NEK1: variants seen among roughly 807,000 people sequenced by gnomAD.
NEK1 encodes NIMA related kinase 1, also known as serine/threonine-protein kinase Nek1.
NEK1 carries 137 observed loss-of-function variants against 182.1 expected under a neutral mutation model. That is an observed-to-expected ratio of 0.75 (90% CI 0.65 to 0.87). NEK1 has a LOEUF of 0.87. Ranked by LOEUF, NEK1 falls within the 40% of genes least tolerant of loss-of-function variation. The probability of loss-of-function intolerance (pLI) is 0.00; values close to 1 mark genes in which losing one functional copy is unlikely to be tolerated. For synonymous variants in NEK1, 513 were observed against 492.2 expected, an observed-to-expected ratio of 1.04 and a Z score of -0.56; for missense variants, 1,391 against 1,494.4, an observed-to-expected ratio of 0.93 and a Z score of 1.14.
Position 169,501,091 on chromosome 4 carries a change from A to G in NEK1, c.2007+5946T>C, listed in dbSNP as rs1219463191. On this transcript the variant is annotated intron_variant, in intron 23 of 35. Coordinates refer to ENST00000507142, the MANE Select transcript of NEK1 (RefSeq NM_001199397.3). The stretch of plus-strand genomic sequence containing the variant: ...ACACAAATTTAAAACAAAAAAGATC[A>G]GGGCTTGCTACTCTTGTATCAGATA... 2.6e-5 allele frequency among the ~76,000 whole-genome samples: 4 copies of G among 152,236 alleles called. No homozygotes were observed. In the East Asian group the frequency reaches 7.7e-4, roughly 29 times the overall value.
intron 23 of NEK1, among the ~76,000 whole-genome samples, chr4:169,492,983 A>G (rs1750401733): frequency 6.6e-6 from 1 of 152,202 alleles, no homozygotes; most frequent in Admixed American, 6.5e-5. Context: ...GATTGTGGAC[A>G]TGGCAGCAGT....
At chr4:169,398,548 T>A (rs566728695) in intron 35 of NEK1, among the ~76,000 whole-genome samples, 15 of 152,202 alleles carry the variant, frequency 9.9e-5, no homozygotes, top group Non-Finnish European at 1.8e-4. Context: ...TTTTCTGCTT[T>A]GTGAGAAAGA....
chr4:169,461,578 A>T (rs1211493731), intron 27 of NEK1, among the ~76,000 whole-genome samples: 1 of 152,180 alleles, frequency 6.6e-6, no homozygotes, highest in African/African-American at 2.4e-5. Flanking sequence ...ATTTTGCCAC[A>T]TGTGATTTCG....
At chr4:169,493,596 A>T (rs1283287323) in intron 23 of NEK1, among the ~76,000 whole-genome samples, 1 of 152,236 alleles carries the variant, frequency 6.6e-6, no homozygotes, top group African/African-American at 2.4e-5. Flanking sequence ...ACAAAGAACC[A>T]AACAGAACTT....
intron 27 of NEK1, among the ~76,000 whole-genome samples, chr4:169,462,485 T>C (rs188356422): frequency 4.5e-4 from 68 of 152,254 alleles, no homozygotes; most frequent in Non-Finnish European, 1.5e-4. Flanking sequence ...CAGTAACATG[T>C]GTATAGGTTC....
At chr4:169,426,714 T>C (rs952206516) in intron 29 of NEK1, among the ~76,000 whole-genome samples, 1 of 152,172 alleles carries the variant, frequency 6.6e-6, no homozygotes, top group East Asian at 1.9e-4. Context: ...ATTAATACCA[T>C]GGAATATCAT....
At chr4:169,399,596 A>ATTCTAAG (rs1461750127) in intron 35 of NEK1, among the ~76,000 whole-genome samples, 1 of 151,806 alleles carries the variant, frequency 6.6e-6, no homozygotes. Flanking sequence ...AAAATGAATT[A>ATTCTAAG]TTCTAAGTTA....
intron 23 of NEK1, among the ~76,000 whole-genome samples, chr4:169,494,417 G>A (rs528856621): frequency 2.9e-4 from 44 of 152,306 alleles, no homozygotes; most frequent in African/African-American, 1.1e-3. Flanking sequence ...CCCCTACAAA[G>A]GACATGAACT....
intron 29 of NEK1, among the ~76,000 whole-genome samples, chr4:169,426,962 A>G (rs1736505087): frequency 6.6e-6 from 1 of 152,166 alleles, no homozygotes; most frequent in African/African-American, 2.4e-5. Context: ...TTTTATCTCT[A>G]TATGCCTGGG....
chr4:169,415,243 C>T (rs1424531807), intron 31 of NEK1, among the ~76,000 whole-genome samples: 1 of 152,204 alleles, frequency 6.6e-6, no homozygotes, highest in Non-Finnish European at 1.5e-5. Context: ...TCAGTGATCT[C>T]CAAGTGTGAT....
intron 15 of NEK1, 32 bp downstream of exon 15, chr4:169,561,654 GA>G (rs761975147): frequency 2.1e-5 from 33 of 1,570,910 alleles, no homozygotes; most frequent in Middle Eastern, 1.7e-4. Flanking sequence ...TATTCCTTAA[GA>G]AAAAAGTATA....
At chr4:169,607,754 C>T (rs1031735968) in intron 2 of NEK1, among the ~76,000 whole-genome samples, 10 of 152,058 alleles carry the variant, frequency 6.6e-5, no homozygotes, top group African/African-American at 4.8e-5. Flanking sequence ...TGAGCCACCG[C>T]GCCTGGCCTC....
intron 19 of NEK1, among the ~76,000 whole-genome samples, chr4:169,525,140 T>C (rs1447013991): frequency 6.6e-6 from 1 of 152,186 alleles, no homozygotes; most frequent in East Asian, 1.9e-4. Flanking sequence ...TTTTATTTTA[T>C]TTTGTTGAGA....
At chr4:169,531,371 C>G (rs1041789972) in intron 19 of NEK1, among the ~76,000 whole-genome samples, 1 of 151,774 alleles carries the variant, frequency 6.6e-6, no homozygotes, top group African/African-American at 2.4e-5. Context: ...TTTGAAGAGT[C>G]TGGCTATGAA....
intron 19 of NEK1, among the ~76,000 whole-genome samples, chr4:169,527,950 A>G (rs1175974851): frequency 6.6e-6 from 1 of 152,126 alleles, no homozygotes; most frequent in Non-Finnish European, 1.5e-5. Context: ...CTCACCTCAA[A>G]CAATCATTCA....
chr4:169,605,707 T>C (rs1174175857), intron 2 of NEK1, among the ~76,000 whole-genome samples: 1 of 152,226 alleles, frequency 6.6e-6, no homozygotes, highest in Non-Finnish European at 1.5e-5. Flanking sequence ...CTCAAATTAA[T>C]GTTTGCCTTT....
At chr4:169,594,299 T>C (rs753596546) in intron 5 of NEK1, among the ~76,000 whole-genome samples, 1 of 152,182 alleles carries the variant, frequency 6.6e-6, no homozygotes, top group Non-Finnish European at 1.5e-5. Flanking sequence ...GTATTAGAAT[T>C]TTCCCAAAGT....
At chr4:169,436,442 G>A (rs1372044050) in intron 28 of NEK1, among the ~76,000 whole-genome samples, 5 of 152,316 alleles carry the variant, frequency 3.3e-5, no homozygotes, top group Middle Eastern at 3.4e-3. Context: ...CTCTACGGTG[G>A]CTGAAAATTT....
intron 23 of NEK1, among the ~76,000 whole-genome samples, chr4:169,485,937 T>C (rs1488004603): frequency 3.3e-5 from 5 of 152,044 alleles, no homozygotes; most frequent in Admixed American, 3.3e-4. Context: ...GTCCCAGCTA[T>C]AGACAGGCTG....
Sources: gnomAD v4.1 joint callset for allele counts (sites outside exome capture counted in the v4.1 genomes callset) on GRCh38, gnomAD v4.1.1 for gene constraint, MANE v1.5 for transcripts, NCBI Gene and HGNC (gene_info 2026-07-23, HGNC 2026-07-21) for gene names.